ARLN: variants seen among roughly 807,000 people sequenced by gnomAD.
ARLN encodes the protein sarcoplasmic/endoplasmic reticulum calcium ATPase regulator ARLN.
At chr4:119,300,735 T>G in the ARLN span, 2 of 1,512,950 alleles carry the variant, frequency 1.3e-6, no homozygotes, top group East Asian at 2.5e-5. Flanking sequence ...CCGTGACCGC[T>G]GGCATGAAGC....
the ARLN span, chr4:119,298,454 A>T: frequency 1.3e-5 from 3 of 224,224 alleles, no homozygotes; most frequent in Non-Finnish European, 2.6e-5. Flanking sequence ...ACATTAAAAG[A>T]CATTACTATA....
the ARLN span, chr4:119,300,283 G>T: frequency 7.0e-7 from 1 of 1,437,856 alleles, no homozygotes; most frequent in Non-Finnish European, 9.6e-7. Flanking sequence ...CCAAAAGCGA[G>T]CAAATGATCT....
chr4:119,298,911 G>C, the ARLN span: 1 of 562,840 alleles, frequency 1.8e-6, no homozygotes, highest in Non-Finnish European at 3.2e-6. Flanking sequence ...TCTATCCAGA[G>C]CTGAAAGTTC....
the ARLN span, among the ~76,000 whole-genome samples, chr4:119,301,073 A>C: frequency 6.6e-6 from 1 of 151,902 alleles, no homozygotes; most frequent in African/African-American, 2.4e-5. Context: ...CAAACGGGCC[A>C]GAGAGCAGCA....
the ARLN span, chr4:119,296,439 A>G: frequency 6.6e-6 from 1 of 152,156 alleles, no homozygotes; most frequent in Non-Finnish European, 1.5e-5. Context: ...TAAATTTATT[A>G]TGAGGGATTG....
the ARLN span, chr4:119,300,382 T>C: frequency 6.2e-7 from 1 of 1,612,870 alleles, no homozygotes; most frequent in Admixed American, 1.7e-5. Flanking sequence ...TCGAAAAGGA[T>C]GAAAAGCCAG....
At chr4:119,300,755 G>A in the ARLN span, 2 of 1,493,206 alleles carry the variant, frequency 1.3e-6, no homozygotes, top group African/African-American at 2.8e-5. Context: ...CGCGGCCTCC[G>A]CCTTGACACT....
At chr4:119,300,651 G>T in the ARLN span, 23 of 1,566,804 alleles carry the variant, frequency 1.5e-5, no homozygotes, top group Non-Finnish European at 1.5e-5. Flanking sequence ...AGTGCGCCGC[G>T]CCCCGGGTTC....
the ARLN span, among the ~76,000 whole-genome samples, chr4:119,303,407 G>C: frequency 6.6e-6 from 1 of 151,956 alleles, no homozygotes; most frequent in Non-Finnish European, 1.5e-5. Context: ...GCTAATTTTT[G>C]TATTTTTAGT....
At chr4:119,302,423 T>C in the ARLN span, among the ~76,000 whole-genome samples, 4 of 152,242 alleles carry the variant, frequency 2.6e-5, no homozygotes, top group African/African-American at 9.6e-5. Flanking sequence ...TTATTCCACA[T>C]TACAGAAATG....
At chr4:119,300,301 C>T in the ARLN span, 1 of 1,552,458 alleles carries the variant, frequency 6.4e-7, no homozygotes. Flanking sequence ...TCTCTAAGCT[C>T]CTTACCACCC....
At chr4:119,298,314 T>G in the ARLN span, 6 of 152,494 alleles carry the variant, frequency 3.9e-5, no homozygotes, top group African/African-American at 1.4e-4. Context: ...CTACGCAATC[T>G]AAGAATACTT....
At chr4:119,304,335 GTGAATGAAGTATT>G in the ARLN span, 1 of 1,536,978 alleles carries the variant, frequency 6.5e-7, no homozygotes, top group Non-Finnish European at 8.7e-7. Context: ...GATCAAGGCA[GTGAATGAAGTATT>G]TGTTTCCATA....
chr4:119,304,424 G>A, the ARLN span: 3 of 1,534,604 alleles, frequency 2.0e-6, no homozygotes, highest in Non-Finnish European at 2.6e-6. Flanking sequence ...CTATTAATGG[G>A]GCTATTTATT....
the ARLN span, among the ~76,000 whole-genome samples, chr4:119,302,206 T>C: frequency 7.9e-5 from 12 of 152,142 alleles, no homozygotes; most frequent in African/African-American, 2.7e-4. Context: ...ACTGAACAGG[T>C]CTTGAAATGG....
the ARLN span, chr4:119,300,849 C>T: frequency 2.1e-6 from 3 of 1,426,746 alleles, no homozygotes; most frequent in East Asian, 7.5e-5. Flanking sequence ...GAAATACGTT[C>T]TCGTCCCCCT....
chr4:119,298,892 C>T, the ARLN span: 5 of 627,748 alleles, frequency 8.0e-6, no homozygotes, highest in South Asian at 4.1e-5. Flanking sequence ...TCTTGTAAGG[C>T]CTCTATTTTC....
chr4:119,300,462 C>T, the ARLN span: 1 of 1,614,148 alleles, frequency 6.2e-7, no homozygotes, highest in Non-Finnish European at 8.5e-7. Context: ...GAAGTTCTGC[C>T]TCCCTCCCTC....
chr4:119,300,734 C>A, the ARLN span: 1 of 1,515,826 alleles, frequency 6.6e-7, no homozygotes, highest in Non-Finnish European at 8.8e-7. Flanking sequence ...TCCGTGACCG[C>A]TGGCATGAAG....
Sources: allele counts gnomAD v4.1 joint callset (sites outside exome capture counted in the v4.1 genomes callset), GRCh38; gene constraint gnomAD v4.1.1; transcripts MANE v1.5; gene names NCBI Gene and HGNC (gene_info 2026-07-23, HGNC 2026-07-21).